Variants in SMARCA2 observed in about 807,000 individuals in gnomAD.
SMARCA2 encodes the protein SWI/SNF-related matrix-associated actin-dependent regulator of chromatin subfamily A member 2.
Under a neutral mutation model 199.8 loss-of-function variants are expected in SMARCA2, and 61 were observed. That is an observed-to-expected ratio of 0.31 (90% CI 0.25 to 0.38). The LOEUF (loss-of-function observed/expected upper bound fraction) is 0.38, where lower values mean the gene tolerates loss of function less well. Ranked by LOEUF, SMARCA2 falls within the 10% of genes least tolerant of loss-of-function variation. The pLI is 1.00. For synonymous variants in SMARCA2, 935 were observed against 732.0 expected (o/e 1.28, Z -4.48); for missense variants, 1,344 against 2,012.2 (o/e 0.67, Z 6.35).
At position 2,033,046 on chromosome 9, in the gene SMARCA2, G is replaced by C. The variant is rs533959336; in HGVS notation, c.320G>C (p.Gly107Ala). ...TGMRPPHPGMGPPQSPMDQHS... is the reference protein window; with the variant it reads ...TGMRPPHPGMAPPQSPMDQHS... ...ATGCGACCACCTCACCCAGGCATGG[G>C]CCCTCCCCAGAGTCCAATGGATCAA... Residue 107 changes from glycine (G) to alanine (A), a missense_variant, in exon 3 of 34, where the codon GGC becomes GCC. Around this residue, in one of 18 missense-constraint regions of SMARCA2, gnomAD observed 275 missense variants for 247.5 expected, o/e 1.11. Transcript: ENST00000349721. 6.2e-7 allele frequency: 1 copy of C among 1,614,092 alleles called. No individual in the cohort carries two copies. Among genetic ancestry groups the C allele is most frequent in the Non-Finnish European group, 8.5e-7 (1 of 1,179,974 alleles).
intron 14 of SMARCA2, among the ~76,000 whole-genome samples, 170 bp downstream of exon 14, chr9:2,077,946 C>G (rs1184631863): frequency 2.6e-5 from 4 of 152,148 alleles, no homozygotes; most frequent in African/African-American, 9.7e-5. Context: ...TTAGAGTACT[C>G]CATGTTACCA....
intron 24 of SMARCA2, among the ~76,000 whole-genome samples, chr9:2,112,873 T>C (rs1410384562): frequency 6.6e-6 from 1 of 152,238 alleles, no homozygotes; most frequent in Non-Finnish European, 1.5e-5. Context: ...GCACTTTGCA[T>C]ACCTCACCTC....
At chr9:2,149,656 G>A (rs1436134851) in intron 27 of SMARCA2, among the ~76,000 whole-genome samples, 1 of 151,622 alleles carries the variant, frequency 6.6e-6, no homozygotes, top group Non-Finnish European at 1.5e-5. Context: ...CACAACATGT[G>A]GGAATTATGG....
chr9:2,075,589 A>G (rs72687598), intron 12 of SMARCA2, among the ~76,000 whole-genome samples: 14,509 of 152,304 alleles, frequency 0.095, 837 homozygotes, highest in East Asian at 0.29. Flanking sequence ...CAGGTCCTCT[A>G]CAGTGGACAT....
intron 27 of SMARCA2, among the ~76,000 whole-genome samples, chr9:2,131,746 C>T (rs187639144): frequency 6.8e-4 from 104 of 152,108 alleles, no homozygotes; most frequent in Non-Finnish European, 1.1e-3. Flanking sequence ...TTTGGGAGGT[C>T]GAGGCCAGCA....
chr9:2,158,776 G>T, intron 27 of SMARCA2: 5 of 476,014 alleles, frequency 1.1e-5, no homozygotes, highest in Non-Finnish European at 1.5e-5. Context: ...TTACTTACAT[G>T]CAGGAGTAAT....
intron 1 of SMARCA2, among the ~76,000 whole-genome samples, chr9:2,022,914 A>G (rs1166573727): frequency 6.6e-6 from 1 of 152,220 alleles, no homozygotes; most frequent in Non-Finnish European, 1.5e-5. Context: ...ACTGAATTTT[A>G]AAAGTGATTT....
At chr9:2,079,038 A>G (rs550999277) in intron 14 of SMARCA2, among the ~76,000 whole-genome samples, 88 of 152,300 alleles carry the variant, frequency 5.8e-4, no homozygotes, top group African/African-American at 2.0e-3. Context: ...ATAAATTACT[A>G]TTTCTAACTT....
At chr9:2,132,988 A>C (rs1256726959) in intron 27 of SMARCA2, among the ~76,000 whole-genome samples, 1 of 152,224 alleles carries the variant, frequency 6.6e-6, no homozygotes, top group Non-Finnish European at 1.5e-5. Context: ...AAAATAAATA[A>C]TAAAGGTTGA....
intron 27 of SMARCA2, chr9:2,158,873 A>T: frequency 6.7e-7 from 1 of 1,485,772 alleles, no homozygotes; most frequent in Middle Eastern, 1.7e-4. Context: ...AAATCACAGA[A>T]CATAAAGCAC....
Position 2,030,346 on chromosome 9 carries a change from A to G in SMARCA2, c.225+1099A>G, listed in dbSNP as rs114285537. On this transcript the variant is annotated intron_variant, in intron 2 of 33. Coordinates refer to ENST00000349721, the MANE Select transcript of SMARCA2 (RefSeq NM_003070.5). ...CTACAGGCTCAGACCTGAGCCTGAG[A>G]ACCAGGAGTTCCAGGAGAACTGATG... is the stretch of plus-strand genomic sequence containing the variant. Among the ~76,000 whole-genome samples, 518 of 152,202 alleles carry G rather than the reference A, an allele frequency of 3.4e-3. 4 individuals are homozygous for G. Among genetic ancestry groups the G allele is most frequent in the African/African-American group, 0.012 (492 of 41,526 alleles).
chr9:2,186,070 T>G, intron 31 of SMARCA2, 26 bp from the exon 32 acceptor site: 1 of 1,610,190 alleles, frequency 6.2e-7, no homozygotes, highest in South Asian at 1.1e-5. Flanking sequence ...CTTGCAGTTT[T>G]AACAGATGCC....
intron 32 of SMARCA2, among the ~76,000 whole-genome samples, chr9:2,187,232 A>G (rs1292895594): frequency 6.6e-6 from 1 of 151,080 alleles, no homozygotes; most frequent in Non-Finnish European, 1.5e-5. Flanking sequence ...TAAAATATTT[A>G]CCTTTTAGGA....
At chr9:2,160,553 T>TTA in intron 27 of SMARCA2, 1 of 699,380 alleles carries the variant, frequency 1.4e-6, no homozygotes, top group Non-Finnish European at 2.6e-6. Context: ...TAATCACTCT[T>TTA]TATATTGATT....
At position 2,115,140 on chromosome 9, in the gene SMARCA2, A is replaced by G. The variant is rs1039827423; in HGVS notation, c.3457-682A>G. Among the ~76,000 whole-genome samples, 2 of 124,500 alleles carry G rather than the reference A, an allele frequency of 1.6e-5. No homozygotes were observed. Among genetic ancestry groups the G allele is most frequent in the African/African-American group, 1.0e-4 (2 of 19,800 alleles). The allele number at this position is 124,500 out of a possible 152,430, so 81.7% of individuals were successfully genotyped here. ...GCATATCTATGATTATTTGTTTAGG[A>G]TACATTTCCGAAGTAATATTTCTAA... On this transcript the variant is annotated intron_variant, in intron 24 of 33. Transcript: ENST00000349721. The surrounding 1 kb of genome is among the most constrained non-coding windows in gnomAD (Gnocchi z 6.0).
intron 1 of SMARCA2, among the ~76,000 whole-genome samples, chr9:2,018,224 C>T (rs774133013): frequency 3.9e-5 from 6 of 152,328 alleles, no homozygotes; most frequent in Non-Finnish European, 7.3e-5. Flanking sequence ...GGGTGTTGTG[C>T]AGAATCCATT....
At chr9:2,121,359 G>A (rs1299635204) in intron 26 of SMARCA2, among the ~76,000 whole-genome samples, 2 of 152,188 alleles carry the variant, frequency 1.3e-5, no homozygotes, top group African/African-American at 2.4e-5. Context: ...TTGATTTTGT[G>A]AATTTTCTGC....
At chr9:2,148,041 A>C (rs745800424) in intron 27 of SMARCA2, among the ~76,000 whole-genome samples, 4 of 151,610 alleles carry the variant, frequency 2.6e-5, no homozygotes, top group Non-Finnish European at 5.9e-5. Flanking sequence ...CTGAGTTTAC[A>C]CTTGCCTCCC....
At position 2,124,036 on chromosome 9, in the gene SMARCA2, G is replaced by C. The variant is rs573077223; in HGVS notation, c.3981+99G>C. The C allele has an allele frequency of 5.0e-5, 46 of 917,848 alleles. 1 individual carries two copies. In the South Asian group the frequency reaches 6.4e-4, roughly 13 times the overall value. 56.9% of individuals were successfully genotyped at this position (917,848 alleles called of 1,614,324 possible). ...AGCTGGGATTTTCTGAGGAGGTTGA[G>C]TTCGCAATCAAAGGGAAGGGGCTCT... is the stretch of plus-strand genomic sequence containing the variant. On this transcript the variant is annotated intron_variant, in intron 27 of 33. Transcript: ENST00000349721.
Sources: allele counts gnomAD v4.1 joint callset (sites outside exome capture counted in the v4.1 genomes callset), GRCh38; gene constraint gnomAD v4.1.1; regional missense constraint gnomAD v4.1.1; non-coding constraint Gnocchi (gnomAD v3.1); transcripts MANE v1.5; gene names NCBI Gene and HGNC (gene_info 2026-07-23, HGNC 2026-07-21).